PDCD11: variants seen among roughly 807,000 people sequenced by gnomAD.
PDCD11 encodes the protein programmed cell death 11.
Under a neutral mutation model 198.9 loss-of-function variants are expected in PDCD11, and 97 were observed. The ratio of observed to expected loss-of-function variants is 0.49; its 90% CI spans 0.41 to 0.58. The LOEUF (loss-of-function observed/expected upper bound fraction) is 0.58. Ranked by LOEUF, PDCD11 falls within the 20% of genes least tolerant of loss-of-function variation. The pLI, the probability that PDCD11 is intolerant of heterozygous loss-of-function variation, is 0.00. For synonymous variants in PDCD11, 893 were observed against 918.0 expected (o/e 0.97, Z 0.49); for missense variants, 2,102 against 2,312.7 (o/e 0.91, Z 1.87).
Position 103,425,063 on chromosome 10 carries a change from G to A in PDCD11, c.2843G>A (p.Gly948Asp), listed in dbSNP as rs1398320067. The change falls in exon 20 of 36, where the codon GGC (glycine) becomes GAC (aspartate). Residue 948 changes from glycine to aspartate, a missense_variant. Gly to Asp is a moderately conservative substitution (Grantham distance 94). Coordinates refer to ENST00000369797, the MANE Select transcript of PDCD11 (RefSeq NM_014976.2). ...GCCATTGCCTCCTTGGTAGAGACGG[G>A]CCACCTGGCAGCTTTCTCCCTGACC... ...SFAIASLVETGHLAAFSLTSH... is the reference protein window; with the variant it reads ...SFAIASLVETDHLAAFSLTSH... 1 of 1,614,236 alleles carries A rather than the reference G, an allele frequency of 6.2e-7. No individual in the cohort carries two copies.
intron 20 of PDCD11, among the ~76,000 whole-genome samples, chr10:103,426,571 G>A (rs766030559): frequency 1.1e-4 from 17 of 152,088 alleles, no homozygotes; most frequent in Non-Finnish European, 1.9e-4. Flanking sequence ...GAGGTGGGTG[G>A]ATCACCTGAG....
At chr10:103,410,699 C>T (rs1251704212) in intron 8 of PDCD11, among the ~76,000 whole-genome samples, 40 of 150,440 alleles carry the variant, frequency 2.7e-4, no homozygotes, top group Non-Finnish European at 7.4e-5. Context: ...GCTTCAATCT[C>T]CTGGACTCAA....
rs2133707440 is a variant in PDCD11 at position 103,419,414 on chromosome 10, T to TAG, written c.2107-120_2107-119dup. On this transcript the variant is annotated intron_variant, in intron 15 of 35. Coordinates refer to ENST00000369797, the MANE Select transcript of PDCD11 (RefSeq NM_014976.2). ...TGTTGATGCTGCTGGTCTGCACACT[T>TAG]AGAGAATCGCTGTAGCAGCAGAGAT... 3.7e-6 allele frequency: 4 copies of TAG among 1,079,586 alleles called. No individual in the cohort carries two copies. In the South Asian group the frequency reaches 6.2e-5, roughly 17 times the overall value. The allele number at this position is 1,079,586 out of a possible 1,614,324, so 66.9% of individuals were successfully genotyped here.
At chr10:103,434,631 C>A in intron 24 of PDCD11, 167 bp from the exon 25 acceptor site, 1 of 612,534 alleles carries the variant, frequency 1.6e-6, no homozygotes, top group East Asian at 2.8e-5. Flanking sequence ...CCCTGAGGTC[C>A]TTGGCTACAT....
Position 103,439,780 on chromosome 10 carries a change from T to C in PDCD11, c.4060T>C (p.Ser1354Pro). ...CTCCGTTGTGGGTTTGGCTCGGTAC[T>C]CCCATGTCTCCCAGCACAGCCCGTC... ...GPSVVGLARY[S>P]HVSQHSPSKK... is the part of the protein sequence containing the mutation. Residue 1354 changes from serine to proline, a missense_variant, in exon 28 of 36, where the codon TCC becomes CCC. By Grantham distance (74) the Ser-to-Pro change is moderately conservative. Coordinates refer to ENST00000369797, the MANE Select transcript of PDCD11 (RefSeq NM_014976.2). The C allele has an allele frequency of 6.2e-7, 1 of 1,614,098 alleles. No individual in the cohort carries two copies. The highest frequency in any genetic ancestry group is 8.5e-7 in the Non-Finnish European group (1 of 1,180,010).
chr10:103,402,378 G>A (rs2030150968), intron 3 of PDCD11, among the ~76,000 whole-genome samples: 1 of 152,140 alleles, frequency 6.6e-6, no homozygotes, highest in Non-Finnish European at 1.5e-5. Context: ...TCACTGATAT[G>A]TACACATGTG....
chr10:103,444,752 C>G, intron 35 of PDCD11, 70 bp downstream of exon 35: 1 of 1,405,808 alleles, frequency 7.1e-7, no homozygotes, highest in Non-Finnish European at 1.0e-6. Context: ...CCCACAGCAG[C>G]TCTCAGCATC....
intron 17 of PDCD11, 113 bp downstream of exon 17, chr10:103,421,680 T>G (rs986819215): frequency 9.4e-6 from 8 of 855,506 alleles, no homozygotes; most frequent in African/African-American, 5.1e-5. Flanking sequence ...AAAAAAAATT[T>G]GGGGCCGGGC....
In PDCD11 at chr10:103,400,437, A is replaced by G; in HGVS notation, c.143A>G (p.Gln48Arg). The change falls in exon 3 of 36, where the codon CAG becomes CGG. Residue 48 changes from glutamine (Q) to arginine (R), a missense_variant. Coordinates refer to ENST00000369797, the MANE Select transcript of PDCD11 (RefSeq NM_014976.2). ...EEGSTKRKKSQKGPAKTKKLK... is the reference protein window; with the variant it reads ...EEGSTKRKKSRKGPAKTKKLK... Reference sequence around the variant, plus strand: ...GGATCCACCAAAAGAAAAAAGAGCCAGAAGGGGCCAGCAAAAACAAAAAAG... The same window carrying G: ...GGATCCACCAAAAGAAAAAAGAGCCGGAAGGGGCCAGCAAAAACAAAAAAG... 1.2e-6 allele frequency: 2 copies of G among 1,614,012 alleles called. No individual in the cohort carries two copies. The highest frequency in any genetic ancestry group is 2.2e-5 in the South Asian group (2 of 91,030).
rs780745689 is a variant in PDCD11, at chr10:103,444,525, G to A, written c.5287G>A (p.Val1763Ile). 2.7e-5 allele frequency: 44 copies of A among 1,614,058 alleles called. 2 individuals carry two copies. In the South Asian group the frequency reaches 4.2e-4, roughly 15 times the overall value. ...CAGTCCTCTCCCTGCAGATGTGGAT[G>A]TCATTGCCAAGTTTGCCCAGCTTGA... Reference protein sequence around the residue: ...ECLPSKEHVDVIAKFAQLEFQ... With the variant: ...ECLPSKEHVDIIAKFAQLEFQ... Residue 1763 changes from valine to isoleucine, a missense_variant, in exon 35 of 36, where the codon GTC (valine) becomes ATC (isoleucine). Coordinates refer to ENST00000369797, the MANE Select transcript of PDCD11 (RefSeq NM_014976.2).
chr10:103,417,420 G>A (rs1439140475), intron 13 of PDCD11, among the ~76,000 whole-genome samples: 1 of 152,158 alleles, frequency 6.6e-6, no homozygotes, highest in Admixed American at 6.5e-5. Context: ...TGATCAGCCT[G>A]CCTTGGCCTT....
At chr10:103,428,752 G>GT (rs1247560307) in intron 21 of PDCD11, among the ~76,000 whole-genome samples, 4 of 152,160 alleles carry the variant, frequency 2.6e-5, no homozygotes, top group African/African-American at 9.7e-5. Context: ...AACACTGCTG[G>GT]TGTTGGAAGA....
Position 103,413,282 on chromosome 10 carries a change from C to A in PDCD11, c.1145C>A (p.Ala382Asp). ...CAGGGTTTTTTCAAAAAGGCTGGGG[C>A]CACCTTTAGGCTGAAGGATGGGGTT... ...PVQGFFKKAG[A>D]TFRLKDGVLA... The change falls in exon 9 of 36, where the codon GCC (alanine) becomes GAC (aspartate). Residue 382 changes from alanine to aspartate, a missense_variant. Ala to Asp is a moderately radical substitution (Grantham distance 126). Transcript: ENST00000369797. The A allele has an allele frequency of 6.2e-7, 1 of 1,614,174 alleles. No individual in the cohort carries two copies. Among genetic ancestry groups the A allele is most frequent in the Non-Finnish European group, 8.5e-7 (1 of 1,180,032 alleles).
chr10:103,444,610 A>G lies in PDCD11; in HGVS notation c.5372A>G (p.Tyr1791Cys), dbSNP rs141675532. The change falls in exon 35 of 36, where the codon TAC (tyrosine) becomes TGC (cysteine). Residue 1791 changes from tyrosine to cysteine, a missense_variant. Coordinates refer to ENST00000369797, the MANE Select transcript of PDCD11 (RefSeq NM_014976.2). ...ATTTTTGAGAACACGCTGAGCACCT[A>G]CCCAAAGCGCACAGATGTCTGGTCG... The part of the protein sequence containing the change: ...KAIFENTLST[Y>C]PKRTDVWSVY... 103 of 1,614,038 alleles carry G rather than the reference A, an allele frequency of 6.4e-5. No individual in the cohort carries two copies. Among genetic ancestry groups the G allele is most frequent in the Non-Finnish European group, 8.3e-5 (98 of 1,180,032 alleles).
At chr10:103,424,917 G>C (rs578258066) in intron 19 of PDCD11, 67 bp from the exon 20 acceptor site, 8 of 1,562,988 alleles carry the variant, frequency 5.1e-6, no homozygotes, top group Non-Finnish European at 7.0e-6. Context: ...ACCCTGCCCA[G>C]TGGGGCCATG....
intron 8 of PDCD11, among the ~76,000 whole-genome samples, chr10:103,411,026 G>A (rs2133691419): frequency 6.6e-6 from 1 of 150,832 alleles, no homozygotes; most frequent in East Asian, 2.0e-4. Context: ...AGTGAGCCGA[G>A]ATTGTGCCAC....
chr10:103,422,347 C>T (rs1288944121), intron 17 of PDCD11, among the ~76,000 whole-genome samples: 1 of 151,736 alleles, frequency 6.6e-6, no homozygotes, highest in Non-Finnish European at 1.5e-5. Context: ...TCCCAAAGTG[C>T]TGGGATTACA....
intron 33 of PDCD11, among the ~76,000 whole-genome samples, 189 bp from the exon 34 acceptor site, chr10:103,443,726 T>G (rs1478029843): frequency 6.6e-6 from 1 of 152,178 alleles, no homozygotes; most frequent in East Asian, 1.9e-4. Context: ...CCCTCCGTCG[T>G]GTTGTGCCTG....
intron 32 of PDCD11, 123 bp from the exon 33 acceptor site, chr10:103,443,041 TG>T: frequency 1.3e-6 from 1 of 755,524 alleles, no homozygotes; most frequent in South Asian, 2.3e-5. Context: ...GGTCTACATT[TG>T]GGGTGGGATC....
Sources: gnomAD v4.1 joint callset for allele counts (sites outside exome capture counted in the v4.1 genomes callset) on GRCh38, gnomAD v4.1.1 for gene constraint, MANE v1.5 for transcripts, NCBI Gene and HGNC (gene_info 2026-07-23, HGNC 2026-07-21) for gene names.